FBXL7: variants seen among roughly 807,000 people sequenced by gnomAD.
The protein encoded by FBXL7 is F-box and leucine rich repeat protein 7, also known as F-box/LRR-repeat protein 7.
FBXL7 carries 12 observed loss-of-function variants against 38.3 expected under a neutral mutation model. The observed-to-expected ratio is 0.31, with a 90% confidence interval of 0.20 to 0.51. The LOEUF (loss-of-function observed/expected upper bound fraction) is 0.51, where lower values mean the gene tolerates loss of function less well. Ranked by LOEUF, FBXL7 falls within the 20% of genes least tolerant of loss-of-function variation. The probability of loss-of-function intolerance (pLI) is 0.98; values close to 1 mark genes in which losing one functional copy is unlikely to be tolerated. For missense variants in FBXL7, 567 were observed against 676.4 expected (o/e 0.84, Z 1.79); for synonymous variants, 297 against 300.9 (o/e 0.99, Z 0.13).
chr5:15,783,322 G>A (rs1414038943), intron 2 of FBXL7, among the ~76,000 whole-genome samples: 1 of 152,112 alleles, frequency 6.6e-6, no homozygotes, highest in Non-Finnish European at 1.5e-5. Flanking sequence ...GGACCTGCAT[G>A]GTGCAGTTCC....
At chr5:15,853,356 G>A (rs929515728) in intron 2 of FBXL7, among the ~76,000 whole-genome samples, 1 of 152,100 alleles carries the variant, frequency 6.6e-6, no homozygotes, top group Non-Finnish European at 1.5e-5. Context: ...ATCTTGAAGG[G>A]GAATTTATGG....
chr5:15,661,973 A>G (rs749412656), intron 2 of FBXL7, among the ~76,000 whole-genome samples: 1 of 152,226 alleles, frequency 6.6e-6, no homozygotes, highest in Non-Finnish European at 1.5e-5. Flanking sequence ...TTGCTATCAG[A>G]ATAGTGCTGC....
chr5:15,852,018 CCT>C (rs376502120), intron 2 of FBXL7, among the ~76,000 whole-genome samples: 10 of 152,108 alleles, frequency 6.6e-5, no homozygotes, highest in African/African-American at 2.4e-4. Flanking sequence ...CATTATCTCT[CCT>C]TTGCATGCCC....
intron 2 of FBXL7, among the ~76,000 whole-genome samples, chr5:15,761,216 G>C (rs956709205): frequency 6.6e-6 from 1 of 152,246 alleles, no homozygotes; most frequent in African/African-American, 2.4e-5. Flanking sequence ...TGCTTACTAA[G>C]TAATCTACCG....
chr5:15,851,936 T>C (rs1403851983), intron 2 of FBXL7, among the ~76,000 whole-genome samples: 2 of 152,000 alleles, frequency 1.3e-5, no homozygotes, highest in Admixed American at 6.6e-5. Context: ...CCACTTTACT[T>C]TTTAGTAGTG....
chr5:15,525,640 A>G (rs998836906), intron 1 of FBXL7, among the ~76,000 whole-genome samples: 1 of 152,142 alleles, frequency 6.6e-6, no homozygotes, highest in South Asian at 2.1e-4. Context: ...ATACACGTAT[A>G]CATATCCATA....
chr5:15,502,937 G>T (rs1002172463), intron 1 of FBXL7, among the ~76,000 whole-genome samples: 4 of 152,146 alleles, frequency 2.6e-5, no homozygotes, highest in Non-Finnish European at 5.9e-5. Context: ...TGGATTTTCT[G>T]TATGGTATAT....
At chr5:15,545,739 A>T (rs929000339) in intron 1 of FBXL7, among the ~76,000 whole-genome samples, 1 of 152,260 alleles carries the variant, frequency 6.6e-6, no homozygotes. Context: ...ATTTATAGTC[A>T]TGAAATACAT....
At chr5:15,725,739 C>T (rs1258294605) in intron 2 of FBXL7, among the ~76,000 whole-genome samples, 2 of 152,074 alleles carry the variant, frequency 1.3e-5, no homozygotes, top group African/African-American at 4.8e-5. Context: ...CATGTTCAAG[C>T]AATTCTCTGC....
At chr5:15,609,518 T>G (rs1299645968) in intron 1 of FBXL7, among the ~76,000 whole-genome samples, 1 of 152,192 alleles carries the variant, frequency 6.6e-6, no homozygotes, top group East Asian at 1.9e-4. Flanking sequence ...GTGCCAGTGT[T>G]TCTTATTGTT....
chr5:15,504,435 C>G (rs1314373209), intron 1 of FBXL7, among the ~76,000 whole-genome samples: 1 of 152,172 alleles, frequency 6.6e-6, no homozygotes, highest in East Asian at 1.9e-4. Context: ...CTCCCGCCTC[C>G]TCTTCTAACT....
intron 3 of FBXL7, among the ~76,000 whole-genome samples, chr5:15,930,480 T>C (rs1742010437): frequency 6.6e-6 from 1 of 152,222 alleles, no homozygotes; most frequent in Admixed American, 6.5e-5. Flanking sequence ...CAAGTAATTG[T>C]ACCCTCTTTT....
chr5:15,561,106 T>A (rs1021231943), intron 1 of FBXL7, among the ~76,000 whole-genome samples: 2 of 151,804 alleles, frequency 1.3e-5, no homozygotes, highest in African/African-American at 4.8e-5. Context: ...AAGTAAAGAG[T>A]TTCTTAGCAG....
Position 15,866,484 on chromosome 5 carries a change from A to G in FBXL7, c.128-61406A>G, listed in dbSNP as rs57500588. Among the ~76,000 whole-genome samples, 770 of 152,270 alleles carry G rather than the reference A, an allele frequency of 5.1e-3. 11 individuals are homozygous for G. Among genetic ancestry groups the G allele is most frequent in the African/African-American group, 0.018 (731 of 41,548 alleles). On this transcript the variant is annotated intron_variant, in intron 2 of 3. Transcript: ENST00000504595. Reference sequence around the variant, plus strand: ...AAGTTTTCAAATGATACTTCTGAGAAATTGTTCCTGTATTTTTTCCTTTAA... The same window carrying G: ...AAGTTTTCAAATGATACTTCTGAGAGATTGTTCCTGTATTTTTTCCTTTAA...
At chr5:15,899,696 G>T (rs1222934590) in intron 2 of FBXL7, among the ~76,000 whole-genome samples, 1 of 152,092 alleles carries the variant, frequency 6.6e-6, no homozygotes, top group Non-Finnish European at 1.5e-5. Context: ...CTATTCAGAG[G>T]CCTGAAAGGG....
chr5:15,699,006 T>C (rs2126630869), intron 2 of FBXL7, among the ~76,000 whole-genome samples: 1 of 152,294 alleles, frequency 6.6e-6, no homozygotes, highest in African/African-American at 2.4e-5. Context: ...TTTTTTCTTC[T>C]TTTCTTTTCT....
intron 2 of FBXL7, among the ~76,000 whole-genome samples, chr5:15,916,377 G>A (rs2126436315): frequency 6.6e-6 from 1 of 152,240 alleles, no homozygotes; most frequent in South Asian, 2.1e-4. Context: ...AGATGGGGGA[G>A]CATGGTCTAG....
At chr5:15,747,400 A>T (rs1331641253) in intron 2 of FBXL7, among the ~76,000 whole-genome samples, 1 of 152,194 alleles carries the variant, frequency 6.6e-6, no homozygotes, top group African/African-American at 2.4e-5. Flanking sequence ...GAGCAACAGG[A>T]TTGCCAAAGT....
At chr5:15,762,360 T>C (rs1222480829) in intron 2 of FBXL7, among the ~76,000 whole-genome samples, 1 of 106,066 alleles carries the variant, frequency 9.4e-6, no homozygotes, top group Non-Finnish European at 2.2e-5. Context: ...CCAGATTCTG[T>C]TGGTTAGAAG....
Sources: gnomAD v4.1 joint callset for allele counts (sites outside exome capture counted in the v4.1 genomes callset) on GRCh38, gnomAD v4.1.1 for gene constraint, MANE v1.5 for transcripts, NCBI Gene and HGNC (gene_info 2026-07-23, HGNC 2026-07-21) for gene names.